The following ADAMTS17 variants were observed in gnomAD, a reference collection of about 807,000 sequenced individuals.
ADAMTS17 encodes the protein ADAM metallopeptidase with thrombospondin type 1 motif 17, also known as A disintegrin and metalloproteinase with thrombospondin motifs 17.
ADAMTS17 carries 113 observed loss-of-function variants against 141.5 expected under a neutral mutation model. The observed-to-expected ratio is 0.80, with a 90% CI of 0.69 to 0.93. The LOEUF is 0.93. ADAMTS17 is among the 40% of genes least tolerant of loss of function. The pLI, the probability that ADAMTS17 is intolerant of heterozygous loss-of-function variation, is 0.00. For missense variants in ADAMTS17, 1,659 were observed against 1,517.9 expected (o/e 1.09, Z -1.54); for synonymous variants, 768 against 630.6 (o/e 1.22, Z -3.27).
At chr15:100,019,999 G>GA (rs67292654) in intron 18 of ADAMTS17, among the ~76,000 whole-genome samples, 11,504 of 150,714 alleles carry the variant, frequency 0.076, 1,277 homozygotes, top group African/African-American at 0.25. Context: ...CTAAGATTTG[G>GA]AAAAAAAAGA....
rs747764605 is a variant in ADAMTS17, at chr15:100,281,183, G to A, written c.789+46C>T. On this transcript the variant is annotated intron_variant, in intron 4 of 21. Transcript: ENST00000268070. The stretch of plus-strand genomic sequence containing the variant: ...CACCTGCTTCCAGATCTCTCATCAA[G>A]GAGAAAACAGAGCCCCCCACATCAG... 3.1e-6 allele frequency: 5 copies of A among 1,598,102 alleles called. No individual in the cohort carries two copies. The African/African-American group carries it at 6.7e-5, about 21-fold the overall frequency.
intron 15 of ADAMTS17, among the ~76,000 whole-genome samples, chr15:100,064,393 C>T (rs965078563): frequency 9.9e-5 from 15 of 152,256 alleles, no homozygotes; most frequent in African/African-American, 2.6e-4. Context: ...CACTTTGTTA[C>T]GGAAACCATA....
At chr15:100,303,618 C>T (rs1318735919) in intron 3 of ADAMTS17, among the ~76,000 whole-genome samples, 1 of 152,010 alleles carries the variant, frequency 6.6e-6, no homozygotes, top group Non-Finnish European at 1.5e-5. Flanking sequence ...CTTTGATCTC[C>T]CCTTAATTCT....
intron 4 of ADAMTS17, among the ~76,000 whole-genome samples, chr15:100,273,057 G>A (rs1420634793): frequency 6.6e-6 from 1 of 152,074 alleles, no homozygotes; most frequent in African/African-American, 2.4e-5. Flanking sequence ...TGATCATGAT[G>A]TATAATCATT....
At position 99,997,064 on chromosome 15, in the gene ADAMTS17, C is replaced by T. The variant is rs1203182989; in HGVS notation, c.2796+321G>A. Among the ~76,000 whole-genome samples the T allele has an allele frequency of 1.3e-5, 2 of 152,178 alleles. No individual in the cohort carries two copies. Among genetic ancestry groups the T allele is most frequent in the African/African-American group, 4.8e-5 (2 of 41,440 alleles). On this transcript the variant is annotated intron_variant, in intron 19 of 21. Transcript: ENST00000268070. This position sits in a 1 kb window ranked among gnomAD's most constrained non-coding sequence, Gnocchi z 4.7. ...AACCACCTTCCCAGCCTGAGCACAC[C>T]ACAGTTAAATACACCCAAAGGAGAA...
chr15:100,132,112 G>A lies in ADAMTS17; in HGVS notation c.1616C>T (p.Pro539Leu), dbSNP rs781074609. The A allele has an allele frequency of 1.2e-5, 20 of 1,613,960 alleles. No individual in the cohort carries two copies. Among genetic ancestry groups the A allele is most frequent in the South Asian group, 8.8e-5 (8 of 91,074 alleles). The change falls in exon 12 of 22, where the codon CCG becomes CTG. Residue 539 changes from proline (P) to leucine (L), a missense_variant. By Grantham distance (98) the Pro-to-Leu change is moderately conservative. Transcript: ENST00000268070. ...GCTCCAGTCTCCGTCCACATGCTCC[G>A]GGATGGGCGTCTTGCTCACGCACTC... Reference protein sequence around the residue: ...AGECVSKTPIPEHVDGDWSPW... With the variant: ...AGECVSKTPILEHVDGDWSPW...
rs543776805 is a variant in ADAMTS17, at chr15:100,087,330, A to G, written c.2137+9026T>C. On this transcript the variant is annotated intron_variant, in intron 15 of 21. Coordinates refer to ENST00000268070, the MANE Select transcript of ADAMTS17 (RefSeq NM_139057.4). The stretch of plus-strand genomic sequence containing the variant: ...GAATAGACCAATAACAGGCTCAAAA[A>G]TTTAGGCAATAATTAATAGCTTACC... Among the ~76,000 whole-genome samples the G allele has an allele frequency of 1.1e-4, 17 of 152,356 alleles. 1 individual carries two copies. The highest frequency in any genetic ancestry group is 3.1e-4 in the African/African-American group (13 of 41,576).
At chr15:100,245,845 CAT>C (rs1022319279) in intron 7 of ADAMTS17, among the ~76,000 whole-genome samples, 1 of 152,176 alleles carries the variant, frequency 6.6e-6, no homozygotes, top group Non-Finnish European at 1.5e-5. Flanking sequence ...TGCACACTTC[CAT>C]GGGTGTGCAT....
intron 13 of ADAMTS17, among the ~76,000 whole-genome samples, chr15:100,111,960 A>G (rs1177305290): frequency 6.6e-6 from 1 of 152,210 alleles, no homozygotes; most frequent in East Asian, 1.9e-4. Context: ...GAGAACTCCT[A>G]GGGCCAAAAT....
At chr15:100,321,882 G>A (rs12439382) in intron 3 of ADAMTS17, among the ~76,000 whole-genome samples, 10,434 of 152,196 alleles carry the variant, frequency 0.069, 851 homozygotes, top group East Asian at 0.24. Flanking sequence ...TATATAATCT[G>A]TTTGCAGTAA....
intron 18 of ADAMTS17, among the ~76,000 whole-genome samples, chr15:100,009,713 C>G (rs1289515263): frequency 2.0e-5 from 3 of 152,234 alleles, no homozygotes; most frequent in African/African-American, 4.8e-5. Context: ...GCTGTTCCCC[C>G]AAAGCCCTCT....
At chr15:100,052,311 C>T (rs1293580649) in intron 16 of ADAMTS17, among the ~76,000 whole-genome samples, 2 of 152,218 alleles carry the variant, frequency 1.3e-5, no homozygotes, top group Non-Finnish European at 2.9e-5. Flanking sequence ...AATGTGTACA[C>T]CCCAGTTTGG....
chr15:100,192,764 C>T (rs1267659604), intron 8 of ADAMTS17, among the ~76,000 whole-genome samples: 1 of 152,208 alleles, frequency 6.6e-6, no homozygotes, highest in African/African-American at 2.4e-5. Flanking sequence ...TGGATAATGG[C>T]TTGCTTTCCT....
intron 3 of ADAMTS17, among the ~76,000 whole-genome samples, chr15:100,314,061 C>T (rs914154955): frequency 3.3e-5 from 5 of 150,030 alleles, no homozygotes; most frequent in African/African-American, 7.3e-5. Context: ...GACAAAACCA[C>T]CCCAAATGTC....
At chr15:100,203,002 C>A (rs1282305104) in intron 7 of ADAMTS17, among the ~76,000 whole-genome samples, 2 of 152,160 alleles carry the variant, frequency 1.3e-5, no homozygotes, top group African/African-American at 2.4e-5. Flanking sequence ...AACATCAATT[C>A]CACATGTTTG....
chr15:100,032,408 T>A (rs2030267867), intron 18 of ADAMTS17, among the ~76,000 whole-genome samples: 1 of 152,344 alleles, frequency 6.6e-6, no homozygotes, highest in African/African-American at 2.4e-5. Flanking sequence ...TTTTCTAGTA[T>A]GGGTGCAGAT....
At chr15:100,287,749 T>C (rs77001179) in intron 3 of ADAMTS17, among the ~76,000 whole-genome samples, 8,862 of 152,296 alleles carry the variant, frequency 0.058, 305 homozygotes, top group Middle Eastern at 0.085. Flanking sequence ...GAACTTGATA[T>C]CCAGCCAAAT....
rs529214062 is a variant in ADAMTS17 at position 100,261,973 on chromosome 15, G to T, written c.874-337C>A. 1.3e-5 allele frequency among the ~76,000 whole-genome samples: 2 copies of T among 152,164 alleles called. 1 individual carries two copies. Among genetic ancestry groups the T allele is most frequent in the South Asian group, 4.1e-4 (2 of 4,824 alleles). On this transcript the variant is annotated intron_variant, in intron 5 of 21. Coordinates refer to ENST00000268070, the MANE Select transcript of ADAMTS17 (RefSeq NM_139057.4). The stretch of plus-strand genomic sequence containing the variant: ...AGGTAACATCAGCATGTGGGAAGGC[G>T]CTCCATTGAAAGACCAGAAAATGAT...
chr15:99,971,787 G>A lies in ADAMTS17; in HGVS notation c.*2615C>T, dbSNP rs140048103. 7 of 152,170 alleles carry A rather than the reference G, an allele frequency of 4.6e-5. No individual in the cohort carries two copies. The highest frequency in any genetic ancestry group is 3.4e-3 in the Middle Eastern group (1 of 294). 9.4% of individuals were successfully genotyped at this position (152,170 alleles called of 1,614,324 possible). A position where few individuals can be genotyped will look rare whatever the true frequency, so the allele number is the denominator to read the frequency against. ...GTCGTGAGACTCTGGTAACACGTGC[G>A]TTAGTGACACGTGTGCAAGCACAAA... is the stretch of plus-strand genomic sequence containing the variant. On this transcript the variant is annotated 3_prime_UTR_variant, in exon 22 of 22. Coordinates refer to ENST00000268070, the MANE Select transcript of ADAMTS17 (RefSeq NM_139057.4).
Sources: allele counts gnomAD v4.1 joint callset (sites outside exome capture counted in the v4.1 genomes callset), GRCh38; gene constraint gnomAD v4.1.1; non-coding constraint Gnocchi (gnomAD v3.1); transcripts MANE v1.5; gene names NCBI Gene and HGNC (gene_info 2026-07-23, HGNC 2026-07-21).